Variants in AHNAK observed in about 807,000 individuals in gnomAD.
The protein encoded by AHNAK is neuroblast differentiation-associated protein AHNAK.
Under a neutral mutation model 37.8 loss-of-function variants are expected in AHNAK, and 23 were observed. The ratio of observed to expected loss-of-function variants is 0.61; its 90% CI spans 0.44 to 0.86. The LOEUF is 0.86. Among genes scored for constraint, AHNAK ranks in the 40% least tolerant of loss-of-function variants. AHNAK has a pLI of 0.00. For synonymous variants in AHNAK, 2,481 were observed against 2,636.3 expected (o/e 0.94, Z 1.80); for missense variants, 7,411 against 7,319.4 (o/e 1.01, Z -0.46).
intron 1 of AHNAK, among the ~76,000 whole-genome samples, chr11:62,540,880 G>C (rs948977613): frequency 6.6e-6 from 1 of 152,174 alleles, no homozygotes; most frequent in African/African-American, 2.4e-5. Flanking sequence ...AGGATGTGCC[G>C]AGCAGCAGGG....
intron 5 of AHNAK, among the ~76,000 whole-genome samples, chr11:62,474,780 G>C (rs550707479): frequency 6.6e-6 from 1 of 152,326 alleles, no homozygotes; most frequent in South Asian, 2.1e-4. Context: ...CTGGAAATAG[G>C]AGAGTGAGCA....
intron 5 of AHNAK, among the ~76,000 whole-genome samples, chr11:62,466,631 A>G (rs1938918362): frequency 6.6e-6 from 1 of 152,122 alleles, no homozygotes; most frequent in Non-Finnish European, 1.5e-5. Flanking sequence ...AGCAATTTCC[A>G]TCAGCTGTGC....
In AHNAK at chr11:62,544,716, C is replaced by T. The variant is rs1054803590; in HGVS notation, c.-100+1944G>A. On this transcript the variant is annotated intron_variant, in intron 1 of 4. Transcript: ENST00000378024. Reference sequence around the variant, plus strand: ...TGTCCCTAAGGACTGGAGAAGGAAGCTTCCCCCCATTCAGCTTCTGAAAGG... The same window carrying T: ...TGTCCCTAAGGACTGGAGAAGGAAGTTTCCCCCCATTCAGCTTCTGAAAGG... Among the ~76,000 whole-genome samples the T allele has an allele frequency of 2.6e-5, 4 of 152,186 alleles. No individual in the cohort carries two copies. In the East Asian group the frequency reaches 7.7e-4, roughly 29 times the overall value.
At chr11:62,544,231 T>C (rs754449304) in intron 1 of AHNAK, among the ~76,000 whole-genome samples, 7 of 152,156 alleles carry the variant, frequency 4.6e-5, no homozygotes, top group African/African-American at 7.2e-5. Flanking sequence ...CTCCGTACCC[T>C]GGGCTGACGC....
In AHNAK at chr11:62,519,587, G is replaced by A; in HGVS notation, c.14830C>T (p.Leu4944Phe). The stretch of plus-strand genomic sequence containing the variant: ...GGAGCTTCAACTTTGGGTCCCTTGA[G>A]GTCCACTTCACCACCTTCTAACTTC... ...GPKLEGGEVD[L>F]KGPKVEAPSL... is the part of the protein sequence containing the mutation. The change falls in exon 5 of 5, where the codon CTC (leucine) becomes TTC (phenylalanine). Residue 4944 changes from leucine (L) to phenylalanine (F), a missense_variant. Transcript: ENST00000378024. The A allele has an allele frequency of 2.5e-6, 4 of 1,612,998 alleles. No individual in the cohort carries two copies. The highest frequency in any genetic ancestry group is 3.4e-6 in the Non-Finnish European group (4 of 1,179,564).
chr11:62,520,802 T>C lies in AHNAK; in HGVS notation c.13615A>G (p.Ile4539Val). ...KGPKIKGDMD[I>V]SVPKLEGDLK... ...TCTCCCTCCAGTTTAGGAACGGAAATGTCCATATCTCCTTTTATCTTAGGT... is the reference window on the plus strand; with the variant it reads ...TCTCCCTCCAGTTTAGGAACGGAAACGTCCATATCTCCTTTTATCTTAGGT... Residue 4539 changes from isoleucine (I) to valine (V), a missense_variant, in exon 5 of 5, where the codon ATT becomes GTT. By Grantham distance (29) the Ile-to-Val change is conservative (BLOSUM62 3). Coordinates refer to ENST00000378024, the MANE Select transcript of AHNAK (RefSeq NM_001620.3). 2 of 1,614,026 alleles carry C rather than the reference T, an allele frequency of 1.2e-6. No homozygotes were observed. The highest frequency in any genetic ancestry group is 1.7e-6 in the Non-Finnish European group (2 of 1,179,992).
intron 5 of AHNAK, among the ~76,000 whole-genome samples, chr11:62,480,208 A>G (rs983073699): frequency 6.6e-6 from 1 of 152,216 alleles, no homozygotes; most frequent in Non-Finnish European, 1.5e-5. Context: ...CAGCCCTGCC[A>G]ATCTTGCCTC....
intron 5 of AHNAK, among the ~76,000 whole-genome samples, chr11:62,480,002 C>A (rs548302901): frequency 6.6e-6 from 1 of 152,164 alleles, no homozygotes; most frequent in East Asian, 1.9e-4. Context: ...TGGGTTCTGC[C>A]GGATTTATAG....
intron 4 of AHNAK, among the ~76,000 whole-genome samples, chr11:62,496,038 G>T (rs1163065187): frequency 6.7e-6 from 1 of 148,976 alleles, no homozygotes; most frequent in African/African-American, 2.5e-5. Context: ...GACAGAGCCA[G>T]ATCCTGTCTC....
chr11:62,525,254 C>T lies in AHNAK; in HGVS notation c.9163G>A (p.Gly3055Arg). ...NLPKADLDVS[G>R]PKVDIDVPDV... ...GGAACATCAATGTCCACCTTGGGTCCTGAGACATCAAGGTCAGCCTTGGGC... is the reference window on the plus strand; with the variant it reads ...GGAACATCAATGTCCACCTTGGGTCTTGAGACATCAAGGTCAGCCTTGGGC... Residue 3055 changes from glycine (G) to arginine (R), a missense_variant, in exon 5 of 5, where the codon GGA becomes AGA. Physicochemically the swap from Gly to Arg is moderately radical, Grantham distance 125. Coordinates refer to ENST00000378024, the MANE Select transcript of AHNAK (RefSeq NM_001620.3). 1 of 1,612,616 alleles carries T rather than the reference C, an allele frequency of 6.2e-7. No individual in the cohort carries two copies. Among genetic ancestry groups the T allele is most frequent in the Non-Finnish European group, 8.5e-7 (1 of 1,179,716 alleles).
chr11:62,515,857 C>T, downstream of AHNAK: 1 of 1,097,128 alleles, frequency 9.1e-7, no homozygotes, highest in South Asian at 2.5e-5. Flanking sequence ...TGCAGCTTCC[C>T]CAGGTTTCAC....
intron 5 of AHNAK, among the ~76,000 whole-genome samples, chr11:62,435,444 G>C (rs977078823): frequency 9.2e-5 from 14 of 151,562 alleles, no homozygotes; most frequent in Non-Finnish European, 2.9e-5. Context: ...ACGGAGTCTC[G>C]CTGTTGCCCA....
In AHNAK at chr11:62,526,711, A is replaced by G. The variant is rs148517788; in HGVS notation, c.7706T>C (p.Met2569Thr). The G allele has an allele frequency of 8.1e-6, 13 of 1,613,084 alleles. No homozygotes were observed. In the African/African-American group the frequency reaches 1.2e-4, roughly 15 times the overall value. Residue 2569 changes from methionine (M) to threonine (T), a missense_variant, in exon 5 of 5, where the codon ATG becomes ACG. Physicochemically the swap from Met to Thr is moderately conservative, Grantham distance 81 (BLOSUM62 -1). Transcript: ENST00000378024. ...EGKLKGPKLK[M>T]PEMNIKAPKI... is the part of the protein sequence containing the mutation. ...GGGGGCTTTGATGTTCATCTCTGGC[A>G]TCTTTAACTTAGGCCCTTTCAACTT...
rs1940039247 is a variant in AHNAK at position 62,516,965 on chromosome 11, CGT to C, written c.17450_17451del (p.His5817ArgfsTer20). On this transcript the variant is annotated frameshift_variant, in exon 5 of 5. Transcript: ENST00000378024. LOFTEE classifies it high-confidence loss of function. ...SLEGGKVKGK[H>X]GKLKFGTFGG... ...CCAAAGGTACCGAATTTCAGCTTCC[CGT>C]GTTTCCCTTTAACTTTCCCACCTTC... 1 of 1,614,198 alleles carries C rather than the reference CGT, an allele frequency of 6.2e-7. No homozygotes were observed. Among genetic ancestry groups the C allele is most frequent in the East Asian group, 2.2e-5 (1 of 44,886 alleles).
intron 1 of AHNAK, chr11:62,546,050 T>A (rs925811741): frequency 2.0e-5 from 3 of 152,880 alleles, no homozygotes; most frequent in East Asian, 3.8e-4. Flanking sequence ...GAAGGTTTTC[T>A]GGAGCGGGGA....
Position 62,527,259 on chromosome 11 carries a change from G to T in AHNAK, c.7158C>A (p.Ile2386=). Reference sequence around the variant, plus strand: ...AGTGTAGATCGAGGTCTGGCATAGAGATTTTGGGAGCTTTAAAGTGCATAT... The same window carrying T: ...AGTGTAGATCGAGGTCTGGCATAGATATTTTGGGAGCTTTAAAGTGCATAT... ...MPDMHFKAPK[I]SMPDLDLHLK... The change falls in exon 5 of 5, where the codon ATC becomes ATA. Residue 2386 remains isoleucine, a synonymous_variant. Transcript: ENST00000378024. 1.5e-6 allele frequency: 2 copies of T among 1,336,572 alleles called. No homozygotes were observed. Among genetic ancestry groups the T allele is most frequent in the Non-Finnish European group, 1.9e-6 (2 of 1,035,412 alleles). The allele number at this position is 1,336,572 out of a possible 1,614,324, so 82.8% of individuals were successfully genotyped here.
At position 62,521,504 on chromosome 11, in the gene AHNAK, C is replaced by T. The variant is rs773694527; in HGVS notation, c.12913G>A (p.Val4305Ile). Residue 4305 changes from valine (V) to isoleucine (I), a missense_variant, in exon 5 of 5, where the codon GTA (valine) becomes ATA (isoleucine). Physicochemically the swap from Val to Ile is conservative, Grantham distance 29. Transcript: ENST00000378024. ...GPKVDIDAPDVDVHGPDWHLK... is the reference protein window; with the variant it reads ...GPKVDIDAPDIDVHGPDWHLK... Reference sequence around the variant, plus strand: ...TGCCAGTCTGGGCCATGAACATCTACATCAGGGGCATCGATGTCCACTTTG... The same window carrying T: ...TGCCAGTCTGGGCCATGAACATCTATATCAGGGGCATCGATGTCCACTTTG... The T allele has an allele frequency of 4.3e-6, 7 of 1,612,590 alleles. No homozygotes were observed. Among genetic ancestry groups the T allele is most frequent in the Non-Finnish European group, 5.1e-6 (6 of 1,179,722 alleles).
At chr11:62,484,184 C>T (rs1939341427) in intron 5 of AHNAK, among the ~76,000 whole-genome samples, 1 of 151,528 alleles carries the variant, frequency 6.6e-6, no homozygotes, top group Admixed American at 6.6e-5. Context: ...CAAGACCAGT[C>T]TGAAAAACGT....
At chr11:62,513,170 C>T (rs867513637), downstream of AHNAK, among the ~76,000 whole-genome samples, 1 of 152,202 alleles carries the variant, frequency 6.6e-6, no homozygotes, top group Non-Finnish European at 1.5e-5. Flanking sequence ...AGTCTCCTGA[C>T]GCTGCTCTCA....
Sources: allele counts gnomAD v4.1 joint callset (sites outside exome capture counted in the v4.1 genomes callset), GRCh38; gene constraint gnomAD v4.1.1; transcripts MANE v1.5; gene names NCBI Gene and HGNC (gene_info 2026-07-23, HGNC 2026-07-21).